PDE1C: variants seen among roughly 807,000 people sequenced by gnomAD.
PDE1C encodes the protein phosphodiesterase 1C.
PDE1C carries 62 observed loss-of-function variants against 93.1 expected under a neutral mutation model. That is an observed-to-expected ratio of 0.67 (90% confidence interval 0.54 to 0.82). The LOEUF (loss-of-function observed/expected upper bound fraction) is 0.82. Ranked by LOEUF, PDE1C falls within the 40% of genes least tolerant of loss-of-function variation. The probability of loss-of-function intolerance (pLI) is 0.00; values close to 1 mark genes in which losing one functional copy is unlikely to be tolerated. For missense variants in PDE1C, 742 were observed against 884.6 expected (o/e 0.84, Z 2.04); for synonymous variants, 325 against 310.1 (o/e 1.05, Z -0.50).
At chr7:32,316,536 TAG>T (rs772195770) in intron 1 of PDE1C, among the ~76,000 whole-genome samples, 2 of 152,208 alleles carry the variant, frequency 1.3e-5, no homozygotes, top group Non-Finnish European at 2.9e-5. Context: ...CCAAAATAAA[TAG>T]ATCACAGACT....
chr7:31,690,956 G>A, the PDE1C span, among the ~76,000 whole-genome samples: 1 of 152,096 alleles, frequency 6.6e-6, no homozygotes, highest in Non-Finnish European at 1.5e-5. Context: ...GAGGAAAATT[G>A]GTTAAATAGG....
At chr7:32,375,093 A>C (rs891767647) in intron 1 of PDE1C, among the ~76,000 whole-genome samples, 1 of 152,244 alleles carries the variant, frequency 6.6e-6, no homozygotes, top group African/African-American at 2.4e-5. Context: ...CCTAAGATTC[A>C]TACGGTATCC....
rs138005052 is a variant in PDE1C at position 31,821,876 on chromosome 7, C to G, written c.1582+1197G>C. 2.0e-5 allele frequency among the ~76,000 whole-genome samples: 3 copies of G among 152,170 alleles called. No homozygotes were observed. In the East Asian group the frequency reaches 5.8e-4, roughly 30 times the overall value. ...CAGCCCCAACCCAATATATGGGAAC[C>G]AACACTGCTAGAACATGCTCTTACC... On this transcript the variant is annotated intron_variant, in intron 14 of 17. Coordinates refer to ENST00000396191, the MANE Select transcript of PDE1C (RefSeq NM_001191057.4).
chr7:32,381,226 T>C (rs1784527921), intron 1 of PDE1C, among the ~76,000 whole-genome samples: 1 of 151,802 alleles, frequency 6.6e-6, no homozygotes, highest in African/African-American at 2.4e-5. Flanking sequence ...TAGTCTTCTC[T>C]AGTCCAAGCC....
intron 2 of PDE1C, among the ~76,000 whole-genome samples, chr7:31,958,555 A>T (rs1465681796): frequency 6.6e-6 from 1 of 152,218 alleles, no homozygotes; most frequent in Non-Finnish European, 1.5e-5. Flanking sequence ...AAGCATACCT[A>T]AAAACTGCCT....
chr7:31,725,287 G>A, the PDE1C span, among the ~76,000 whole-genome samples: 4 of 152,120 alleles, frequency 2.6e-5, no homozygotes, highest in African/African-American at 4.8e-5. Flanking sequence ...TGCTGCTTTC[G>A]TCAGCCACAA....
intron 9 of PDE1C, 64 bp downstream of exon 9, chr7:31,847,903 CA>C: frequency 6.4e-7 from 1 of 1,552,954 alleles, no homozygotes; most frequent in Admixed American, 1.7e-5. Context: ...TCAAAAACAG[CA>C]TACTTCATCC....
chr7:31,873,353 T>C lies in PDE1C; in HGVS notation c.548A>G (p.His183Arg), dbSNP rs2128864551. 1 of 1,613,892 alleles carries C rather than the reference T, an allele frequency of 6.2e-7. No homozygotes were observed. The highest frequency in any genetic ancestry group is 2.2e-5 in the East Asian group (1 of 44,858). The change falls in exon 6 of 18, where the codon CAT becomes CGT. Residue 183 changes from histidine (H) to arginine (R), a missense_variant. Physicochemically the swap from His to Arg is conservative, Grantham distance 29. Around this residue, in one of 4 missense-constraint regions of PDE1C, gnomAD observed 205 missense variants for 295.3 expected, o/e 0.69. Coordinates refer to ENST00000396191, the MANE Select transcript of PDE1C (RefSeq NM_001191057.4). ...TTCATAGAAAATAAATTTCAGTGCA[T>C]GATCCCCACTGGCCTCATTGAGGGA... ...VFSLNEASGD[H>R]ALKFIFYELL...
At chr7:32,211,050 A>C (rs894336585) in intron 1 of PDE1C, among the ~76,000 whole-genome samples, 30 of 152,116 alleles carry the variant, frequency 2.0e-4, no homozygotes, top group African/African-American at 7.0e-4. Context: ...TCTACTAAAA[A>C]TACGAAAAAT....
chr7:31,689,851 T>G, the PDE1C span, among the ~76,000 whole-genome samples: 1 of 152,224 alleles, frequency 6.6e-6, no homozygotes, highest in Non-Finnish European at 1.5e-5. Context: ...TGGGATATTC[T>G]TGTAATGTAA....
chr7:31,764,795 A>G (rs143495592), intron 17 of PDE1C, among the ~76,000 whole-genome samples: 1 of 152,314 alleles, frequency 6.6e-6, no homozygotes, highest in African/African-American at 2.4e-5. Context: ...ACTTAATCAC[A>G]GTATTAACTG....
intron 3 of PDE1C, among the ~76,000 whole-genome samples, chr7:32,107,921 C>G (rs1237278853): frequency 6.6e-6 from 1 of 151,852 alleles, no homozygotes; most frequent in Non-Finnish European, 1.5e-5. Context: ...TAGAGTGTTA[C>G]TTAAAAGTGG....
Position 31,862,289 on chromosome 7 carries a change from G to A in PDE1C, c.750+2653C>T, listed in dbSNP as rs933423671. On this transcript the variant is annotated intron_variant, in intron 7 of 17. Transcript: ENST00000396191. ...CTCTTCTATCTGTAACTTCACACCA[G>A]AATGTTAAGTTCTACAAGAGTACTG... Among the ~76,000 whole-genome samples the A allele has an allele frequency of 2.6e-5, 4 of 152,142 alleles. No homozygotes were observed. In the South Asian group the frequency reaches 8.3e-4, roughly 32 times the overall value.
intron 1 of PDE1C, among the ~76,000 whole-genome samples, chr7:32,296,052 G>C (rs983752706): frequency 6.6e-6 from 1 of 151,852 alleles, no homozygotes; most frequent in Non-Finnish European, 1.5e-5. Context: ...CAAAACTAAG[G>C]GTTTTTTAAA....
At chr7:31,792,454 C>CT (rs1351688038) in intron 16 of PDE1C, among the ~76,000 whole-genome samples, 4 of 152,038 alleles carry the variant, frequency 2.6e-5, no homozygotes, top group African/African-American at 9.7e-5. Context: ...CTAATTTTGA[C>CT]TTTCACAGCA....
chr7:31,619,981 A>G, the PDE1C span, among the ~76,000 whole-genome samples: 2 of 152,162 alleles, frequency 1.3e-5, no homozygotes, highest in East Asian at 3.9e-4. Context: ...GGCGGGTCCT[A>G]CGCCCACGGA....
chr7:31,662,236 G>A, the PDE1C span, among the ~76,000 whole-genome samples: 5 of 152,188 alleles, frequency 3.3e-5, no homozygotes, highest in African/African-American at 9.7e-5. Context: ...CCCAATATCC[G>A]CTAAAATGTC....
intron 16 of PDE1C, among the ~76,000 whole-genome samples, chr7:31,781,584 C>A (rs776303141): frequency 3.9e-5 from 6 of 151,920 alleles, no homozygotes; most frequent in South Asian, 2.1e-4. Context: ...CAGAACAAAT[C>A]ATCGTTTTTG....
intron 1 of PDE1C, among the ~76,000 whole-genome samples, chr7:32,255,814 T>G (rs1315235845): frequency 6.6e-6 from 1 of 152,196 alleles, no homozygotes; most frequent in Non-Finnish European, 1.5e-5. Context: ...GAGTTAAGCA[T>G]GCATGGTCAG....
Sources: gnomAD v4.1 joint callset for allele counts (sites outside exome capture counted in the v4.1 genomes callset) on GRCh38, gnomAD v4.1.1 for gene constraint, gnomAD v4.1.1 regional missense constraint, MANE v1.5 for transcripts, NCBI Gene and HGNC (gene_info 2026-07-23, HGNC 2026-07-21) for gene names.